LYST: variants seen among roughly 807,000 people sequenced by gnomAD.
LYST encodes the protein lysosomal trafficking regulator, also known as lysosomal-trafficking regulator.
A neutral mutation model predicts 413.6 loss-of-function variants in LYST; 192 were observed. The ratio of observed to expected loss-of-function variants is 0.46; its 90% confidence interval spans 0.41 to 0.52. The LOEUF (loss-of-function observed/expected upper bound fraction) is 0.52. LYST is among the 20% of genes least tolerant of loss of function. LYST has a pLI of 0.00. For missense variants in LYST, 3,815 were observed against 4,499.9 expected (o/e 0.85, Z 4.35); for synonymous variants, 1,525 against 1,567.3 (o/e 0.97, Z 0.64).
intron 46 of LYST, among the ~76,000 whole-genome samples, chr1:235,696,709 C>T (rs1159038737): frequency 3.9e-5 from 6 of 152,158 alleles, no homozygotes; most frequent in Non-Finnish European, 8.8e-5. Flanking sequence ...TCTCGACATC[C>T]TTGTTGTGTT....
chr1:235,791,534 A>G, intron 12 of LYST, 165 bp downstream of exon 12: 6 of 665,116 alleles, frequency 9.0e-6, no homozygotes, highest in South Asian at 1.7e-5. Context: ...AGGCTTTATG[A>G]CAACTCATGC....
chr1:235,846,478 C>G (rs369825666), intron 1 of LYST, among the ~76,000 whole-genome samples: 1 of 152,092 alleles, frequency 6.6e-6, no homozygotes, highest in East Asian at 1.9e-4. Context: ...CAACACCCCC[C>G]CAAAATTTCT....
intron 48 of LYST, among the ~76,000 whole-genome samples, chr1:235,683,688 G>A (rs925604480): frequency 3.3e-5 from 5 of 152,172 alleles, no homozygotes; most frequent in African/African-American, 7.2e-5. Flanking sequence ...TGGTTGGGGG[G>A]CCCATCTTTT....
chr1:235,825,737 GT>G (rs1558305800), intron 3 of LYST, among the ~76,000 whole-genome samples: 1 of 152,174 alleles, frequency 6.6e-6, no homozygotes, highest in Admixed American at 6.5e-5. Context: ...ACTCAACATT[GT>G]TAAGTGTCAA....
intron 17 of LYST, 136 bp from the exon 18 acceptor site, chr1:235,775,222 A>G (rs1669116408): frequency 1.4e-6 from 1 of 697,660 alleles, no homozygotes; most frequent in African/African-American, 1.8e-5. Flanking sequence ...TACTCTACCT[A>G]TGTAAGGCTT....
At chr1:235,777,591 TACTACTAATATCA>T (rs1669403655) in intron 16 of LYST, among the ~76,000 whole-genome samples, 1 of 152,212 alleles carries the variant, frequency 6.6e-6, no homozygotes, top group East Asian at 1.9e-4. Context: ...GTTATACTAT[TACTACTAATATCA>T]ACTAAGTCTT....
chr1:235,782,094 TA>T lies in LYST; in HGVS notation c.4863-8del. The T allele has an allele frequency of 6.2e-7, 1 of 1,608,832 alleles. No individual in the cohort carries two copies. Among genetic ancestry groups the T allele is most frequent in the Non-Finnish European group, 8.5e-7 (1 of 1,176,618 alleles). ...CAAAGTAACATCAGGCTTCCTACAT[TA>T]AAAACAAAACAAAGTTAAAGCAATG... On this transcript the variant is annotated splice_region_variant and splice_polypyrimidine_tract_variant and intron_variant, in intron 14 of 52. Transcript: ENST00000389793.
At chr1:235,759,668 T>C in intron 22 of LYST, 69 bp from the exon 23 acceptor site, 1 of 1,200,182 alleles carries the variant, frequency 8.3e-7, no homozygotes, top group South Asian at 1.2e-5. Context: ...TTTTGCATTA[T>C]AAATCACAAC....
chr1:235,872,356 C>T (rs560446802), intron 1 of LYST, among the ~76,000 whole-genome samples: 1 of 150,850 alleles, frequency 6.6e-6, no homozygotes. Context: ...AAATGAAGAC[C>T]GGAAGACCCA....
At position 235,741,465 on chromosome 1, in the gene LYST, T is replaced by C; in HGVS notation, c.8315A>G (p.Asn2772Ser). The change falls in exon 31 of 53, where the codon AAT (asparagine) becomes AGT (serine). Residue 2772 changes from asparagine (N) to serine (S), a missense_variant. Asn to Ser is a conservative substitution (Grantham distance 46). This residue lies in a region of LYST where 771 missense variants were observed against 837.1 expected (regional missense o/e 0.92). Transcript: ENST00000389793. ...ACAGTCTCGTAGTATTTCCTGATGA[T>C]TTGGTTCATGAACTATTTCAAAAAT... ...KQIFEIVHEPNHQEILRDCLS... is the reference protein window; with the variant it reads ...KQIFEIVHEPSHQEILRDCLS... 6.2e-7 allele frequency: 1 copy of C among 1,614,140 alleles called. No individual in the cohort carries two copies. Among genetic ancestry groups the C allele is most frequent in the Non-Finnish European group, 8.5e-7 (1 of 1,180,012 alleles).
chr1:235,685,233 C>G (rs944799084), intron 48 of LYST, among the ~76,000 whole-genome samples: 2 of 152,124 alleles, frequency 1.3e-5, no homozygotes, highest in Non-Finnish European at 2.9e-5. Flanking sequence ...GGTCCTCTAT[C>G]CTGGGTGTGG....
chr1:235,748,049 A>C (rs903790083), intron 28 of LYST, among the ~76,000 whole-genome samples: 2 of 152,218 alleles, frequency 1.3e-5, no homozygotes, highest in Admixed American at 6.5e-5. Flanking sequence ...TAAACGGATA[A>C]AGAAAGAGTT....
intron 31 of LYST, chr1:235,736,031 T>C (rs1029900041): frequency 2.0e-5 from 3 of 152,162 alleles, no homozygotes; most frequent in Non-Finnish European, 2.9e-5. Context: ...TCAAAAATTA[T>C]CTTGAAAAAC....
intron 31 of LYST, chr1:235,737,916 A>ATAAGCTTG: frequency 2.8e-5 from 33 of 1,163,406 alleles, no homozygotes; most frequent in Admixed American, 2.6e-4. Flanking sequence ...GCTGCCGACG[A>ATAAGCTTG]GTCTGGATCT....
chr1:235,830,143 A>C, intron 3 of LYST, 83 bp downstream of exon 3: 1 of 1,071,472 alleles, frequency 9.3e-7, no homozygotes, highest in East Asian at 2.5e-5. Flanking sequence ...AGGAGGCTTC[A>C]GAAACTATGT....
chr1:235,735,936 G>C (rs1572103407), intron 31 of LYST: 1 of 152,028 alleles, frequency 6.6e-6, no homozygotes, highest in East Asian at 1.9e-4. Flanking sequence ...AACGGTACAT[G>C]ACTAAAAGAC....
At chr1:235,866,745 A>T (rs3738521) in intron 1 of LYST, 98 bp downstream of exon 1, 69,225 of 151,848 alleles carry the variant, frequency 0.46, 17,242 homozygotes, top group African/African-American at 0.65. Context: ...CCAGGCTGAC[A>T]GCCACCAGCC....
At chr1:235,722,380 C>T (rs1663452557) in intron 39 of LYST, among the ~76,000 whole-genome samples, 1 of 152,158 alleles carries the variant, frequency 6.6e-6, no homozygotes, top group Non-Finnish European at 1.5e-5. Context: ...AAGGGGCTTT[C>T]TATAGAGGAG....
intron 21 of LYST, among the ~76,000 whole-genome samples, chr1:235,764,074 C>T (rs1032693791): frequency 6.6e-6 from 1 of 152,290 alleles, no homozygotes; most frequent in Admixed American, 6.5e-5. Flanking sequence ...TTCAGCAACA[C>T]CACTTTCTCC....
Sources: allele counts gnomAD v4.1 joint callset (sites outside exome capture counted in the v4.1 genomes callset), GRCh38; gene constraint gnomAD v4.1.1; regional missense constraint gnomAD v4.1.1; transcripts MANE v1.5; gene names NCBI Gene and HGNC (gene_info 2026-07-23, HGNC 2026-07-21).